The following STIM2 variants were observed in gnomAD, a reference collection of about 807,000 sequenced individuals.
The protein encoded by STIM2 is stromal interaction molecule 2.
In STIM2, 31 loss-of-function variants were observed where a neutral mutation model predicts 85.8. The observed-to-expected ratio is 0.36, with a 90% confidence interval of 0.27 to 0.49. STIM2 has a LOEUF of 0.49. Ranked by LOEUF, STIM2 falls within the 20% of genes least tolerant of loss-of-function variation. The pLI, the probability that STIM2 is intolerant of heterozygous loss-of-function variation, is 0.98. For synonymous variants in STIM2, 356 were observed against 331.1 expected, an observed-to-expected ratio of 1.08 and a Z score of -0.82; for missense variants, 841 against 927.6, an observed-to-expected ratio of 0.91 and a Z score of 1.21.
chr4:26,887,552 G>T lies in STIM2; in HGVS notation c.151+26183G>T, dbSNP rs1459046270. 3.3e-5 allele frequency among the ~76,000 whole-genome samples: 5 copies of T among 152,206 alleles called. No individual in the cohort carries two copies. In the South Asian group the frequency reaches 8.3e-4, roughly 25 times the overall value. On this transcript the variant is annotated intron_variant, in intron 1 of 11. Coordinates refer to ENST00000467087, the MANE Select transcript of STIM2 (RefSeq NM_020860.4). ...AGTTCTGGTTTGTGAGAAGTTCTTT[G>T]TTGCATTAAACTAAAATCTTTCAGT...
chr4:27,008,938 T>C lies in STIM2; in HGVS notation c.1425T>C (p.Tyr475=). The C allele has an allele frequency of 6.2e-7, 1 of 1,614,164 alleles. No homozygotes were observed. The highest frequency in any genetic ancestry group is 2.2e-5 in the East Asian group (1 of 44,874). The change falls in exon 10 of 12, where the codon TAT becomes TAC. Residue 475 remains tyrosine (Y), a synonymous_variant. Transcript: ENST00000467087. ...TGCCCAGAGTCTCCATTCCACCCTATCCAATTGCTGGAGGAGTTGATGACT... is the reference window on the plus strand; with the variant it reads ...TGCCCAGAGTCTCCATTCCACCCTACCCAATTGCTGGAGGAGTTGATGACT...
At chr4:26,885,749 G>A (rs191098510) in intron 1 of STIM2, among the ~76,000 whole-genome samples, 2 of 146,808 alleles carry the variant, frequency 1.4e-5, no homozygotes, top group African/African-American at 5.0e-5. Flanking sequence ...GTTTATAAGA[G>A]CAGTAAAACT....
At chr4:27,004,136 C>T (rs560608401) in intron 7 of STIM2, among the ~76,000 whole-genome samples, 1 of 152,280 alleles carries the variant, frequency 6.6e-6, no homozygotes, top group Admixed American at 6.5e-5. Flanking sequence ...AAGGTCAACT[C>T]ATGAGAATAC....
intron 3 of STIM2, among the ~76,000 whole-genome samples, chr4:26,974,362 T>G (rs149420457): frequency 0.024 from 3,693 of 152,332 alleles, 140 homozygotes; most frequent in African/African-American, 0.078. Context: ...GTTTTTGCAG[T>G]GGCTAGTACC....
chr4:26,905,695 A>G (rs1724097501), intron 1 of STIM2, among the ~76,000 whole-genome samples: 1 of 152,196 alleles, frequency 6.6e-6, no homozygotes, highest in Non-Finnish European at 1.5e-5. Flanking sequence ...GGCTAAATCC[A>G]TGGCTATGTA....
At chr4:27,015,378 A>C (rs1385801680) in intron 10 of STIM2, among the ~76,000 whole-genome samples, 1 of 151,912 alleles carries the variant, frequency 6.6e-6, no homozygotes, top group South Asian at 2.1e-4. Context: ...TCTTTCAGTC[A>C]TAATTTAGAT....
At chr4:26,982,717 A>T (rs2109114826) in intron 3 of STIM2, among the ~76,000 whole-genome samples, 1 of 152,308 alleles carries the variant, frequency 6.6e-6, no homozygotes, top group East Asian at 1.9e-4. Context: ...TGCTACTGAG[A>T]TATTGTTGTT....
intron 4 of STIM2, among the ~76,000 whole-genome samples, chr4:26,997,848 A>T (rs757801493): frequency 6.6e-6 from 1 of 152,218 alleles, no homozygotes; most frequent in Non-Finnish European, 1.5e-5. Flanking sequence ...CAGAGAGGGA[A>T]TGTTACAGTT....
chr4:26,861,178 C>A lies in STIM2; in HGVS notation c.-41C>A. On this transcript the variant is annotated 5_prime_UTR_variant, in exon 1 of 12. Coordinates refer to ENST00000467087, the MANE Select transcript of STIM2 (RefSeq NM_020860.4). ...CTTCATCCCGCCTCGACTCCTGGCCCAGCGTGGGGCTGGCTGCTGCGGCGG... is the reference window on the plus strand; with the variant it reads ...CTTCATCCCGCCTCGACTCCTGGCCAAGCGTGGGGCTGGCTGCTGCGGCGG... 7.1e-7 allele frequency: 1 copy of A among 1,412,594 alleles called. No homozygotes were observed. The highest frequency in any genetic ancestry group is 9.2e-7 in the Non-Finnish European group (1 of 1,081,216). The allele number at this position is 1,412,594 out of a possible 1,614,324, so 87.5% of individuals were successfully genotyped here.
At chr4:26,950,798 G>C (rs1726022326) in intron 2 of STIM2, among the ~76,000 whole-genome samples, 1 of 152,176 alleles carries the variant, frequency 6.6e-6, no homozygotes, top group African/African-American at 2.4e-5. Context: ...TGGGAATGCT[G>C]TGTTGTTCTT....
At chr4:26,939,382 C>T (rs191642208) in intron 2 of STIM2, among the ~76,000 whole-genome samples, 58 of 152,220 alleles carry the variant, frequency 3.8e-4, no homozygotes, top group Non-Finnish European at 6.8e-4. Context: ...TGATATTGTT[C>T]TTGACTTAGC....
intron 4 of STIM2, among the ~76,000 whole-genome samples, chr4:26,997,461 AC>A (rs1184691128): frequency 4.6e-5 from 7 of 152,100 alleles, no homozygotes; most frequent in Non-Finnish European, 1.0e-4. Context: ...CCTGACACAT[AC>A]CACCTCATTT....
intron 1 of STIM2, among the ~76,000 whole-genome samples, chr4:26,892,763 T>C (rs1424841244): frequency 6.6e-6 from 1 of 152,172 alleles, no homozygotes; most frequent in Non-Finnish European, 1.5e-5. Flanking sequence ...AAAGTTGATA[T>C]AACCCTGAGG....
At chr4:26,921,118 T>C (rs1724778445) in intron 2 of STIM2, among the ~76,000 whole-genome samples, 1 of 152,148 alleles carries the variant, frequency 6.6e-6, no homozygotes, top group African/African-American at 2.4e-5. Context: ...GAGAACGCCA[T>C]GTGGAGTCAC....
At chr4:27,004,020 C>A (rs1728248954) in intron 7 of STIM2, among the ~76,000 whole-genome samples, 1 of 152,322 alleles carries the variant, frequency 6.6e-6, no homozygotes, top group South Asian at 2.1e-4. Flanking sequence ...AGTTATAAAG[C>A]AGGGGCAAGA....
chr4:26,969,401 T>C (rs1274576236), intron 3 of STIM2, among the ~76,000 whole-genome samples: 1 of 152,248 alleles, frequency 6.6e-6, no homozygotes, highest in Non-Finnish European at 1.5e-5. Context: ...TATAGAATTC[T>C]AACATCATTA....
intron 2 of STIM2, among the ~76,000 whole-genome samples, chr4:26,942,812 C>T (rs1390137203): frequency 1.3e-5 from 2 of 152,096 alleles, no homozygotes; most frequent in Admixed American, 6.6e-5. Flanking sequence ...CATTGCTTTG[C>T]TTATTTTTAC....
At chr4:27,011,269 A>G (rs529812885) in intron 10 of STIM2, among the ~76,000 whole-genome samples, 23 of 152,202 alleles carry the variant, frequency 1.5e-4, no homozygotes, top group South Asian at 1.0e-3. Context: ...TTTTTGCTCA[A>G]AAGTTATGTT....
chr4:26,998,197 G>T (rs1402192767), intron 4 of STIM2, among the ~76,000 whole-genome samples: 1 of 152,084 alleles, frequency 6.6e-6, no homozygotes, highest in Non-Finnish European at 1.5e-5. Flanking sequence ...ATCTTTACTA[G>T]CATCATACTT....
Sources: allele counts gnomAD v4.1 joint callset (sites outside exome capture counted in the v4.1 genomes callset), GRCh38; gene constraint gnomAD v4.1.1; transcripts MANE v1.5; gene names NCBI Gene and HGNC (gene_info 2026-07-23, HGNC 2026-07-21).